Variants in DLC1 observed in about 807,000 individuals in gnomAD.
DLC1 encodes the protein DLC1 Rho GTPase activating protein.
Under a neutral mutation model 140.3 loss-of-function variants are expected in DLC1, and 54 were observed. The observed-to-expected ratio is 0.38, with a 90% confidence interval of 0.31 to 0.48. DLC1 has a LOEUF of 0.48. DLC1 is among the 20% of genes least tolerant of loss of function. The probability of loss-of-function intolerance (pLI) is 0.96; values close to 1 mark genes in which losing one functional copy is unlikely to be tolerated. For missense variants in DLC1, 2,536 were observed against 1,907.0 expected (o/e 1.33, Z -6.14); for synonymous variants, 986 against 728.1 (o/e 1.35, Z -5.70).
At chr8:13,576,021 A>G (rs1202583773) in intron 1 of DLC1, among the ~76,000 whole-genome samples, 1 of 152,212 alleles carries the variant, frequency 6.6e-6, no homozygotes, top group Admixed American at 6.5e-5. Flanking sequence ...ACCACTGGCA[A>G]TGGCCTGTAA....
chr8:13,209,813 G>T (rs192786558), intron 5 of DLC1, among the ~76,000 whole-genome samples: 1 of 152,072 alleles, frequency 6.6e-6, no homozygotes, highest in Non-Finnish European at 1.5e-5. Flanking sequence ...GCTTACTGAG[G>T]CCTTCTCAGA....
chr8:13,507,079 T>G (rs1361494894), intron 1 of DLC1, among the ~76,000 whole-genome samples: 1 of 152,174 alleles, frequency 6.6e-6, no homozygotes, highest in African/African-American at 2.4e-5. Flanking sequence ...ATATAGTTCT[T>G]CAACTCATGT....
At chr8:13,271,161 C>T (rs180908914) in intron 5 of DLC1, among the ~76,000 whole-genome samples, 1 of 152,180 alleles carries the variant, frequency 6.6e-6, no homozygotes, top group Non-Finnish European at 1.5e-5. Context: ...ATTGCAATAT[C>T]TCACGAAGCT....
At chr8:13,300,663 T>C (rs954098607) in intron 5 of DLC1, among the ~76,000 whole-genome samples, 1 of 151,994 alleles carries the variant, frequency 6.6e-6, no homozygotes, top group African/African-American at 2.4e-5. Flanking sequence ...AACACAGACA[T>C]GTATCCGGTC....
chr8:13,402,356 C>A (rs289584), intron 2 of DLC1, among the ~76,000 whole-genome samples: 51,485 of 151,996 alleles, frequency 0.34, 9,455 homozygotes, highest in East Asian at 0.77. Context: ...TTGGGCATGA[C>A]TCAACCATTC....
At chr8:13,462,429 G>T (rs1799712687) in intron 2 of DLC1, among the ~76,000 whole-genome samples, 1 of 148,768 alleles carries the variant, frequency 6.7e-6, no homozygotes, top group Non-Finnish European at 1.5e-5. Flanking sequence ...ACGGAGTCTG[G>T]CTGGCTGGCG....
intron 4 of DLC1, among the ~76,000 whole-genome samples, chr8:13,392,962 C>A (rs1392904837): frequency 6.6e-6 from 1 of 152,066 alleles, no homozygotes; most frequent in Non-Finnish European, 1.5e-5. Context: ...CATTTAATTC[C>A]CACAGAAAAT....
At chr8:13,574,284 T>G (rs980694009) in intron 1 of DLC1, among the ~76,000 whole-genome samples, 8 of 152,322 alleles carry the variant, frequency 5.3e-5, no homozygotes, top group Middle Eastern at 3.4e-3. Flanking sequence ...AATATATTTC[T>G]AGGCAATACA....
chr8:13,335,496 G>A (rs1237905571), intron 4 of DLC1, among the ~76,000 whole-genome samples: 3 of 152,130 alleles, frequency 2.0e-5, no homozygotes, highest in East Asian at 1.9e-4. Flanking sequence ...GTCAAGGCAC[G>A]AGACTTCCTG....
chr8:13,512,063 GCTAT>G (rs959097514), intron 1 of DLC1, among the ~76,000 whole-genome samples: 3 of 151,940 alleles, frequency 2.0e-5, no homozygotes, highest in African/African-American at 7.2e-5. Flanking sequence ...GAAGTGATGT[GCTAT>G]CTTTTACTAG....
intron 5 of DLC1, among the ~76,000 whole-genome samples, chr8:13,146,274 CAA>C (rs35639452): frequency 0.36 from 50,705 of 139,270 alleles, 9,687 homozygotes; most frequent in East Asian, 0.56. Flanking sequence ...GACTCCATCT[CAA>C]AAAAAAAAAA....
Position 13,102,835 on chromosome 8 carries a change from G to C in DLC1, c.1521C>G (p.Asn507Lys), listed in dbSNP as rs1819210608. ...EALCRRLNTL[N>K]KCAVMKLEIS... The stretch of plus-strand genomic sequence containing the variant: ...TTTCTAGCTTCATCACCGCACATTT[G>C]TTTAAAGTATTTAGACGCCTATAGA... The change falls in exon 8 of 18, where the codon AAC becomes AAG. Residue 507 changes from asparagine (N) to lysine (K), a missense_variant. By Grantham distance (94) the Asn-to-Lys change is moderately conservative (BLOSUM62 0). Transcript: ENST00000276297. 1.9e-6 allele frequency: 3 copies of C among 1,613,972 alleles called. No homozygotes were observed. Among genetic ancestry groups the C allele is most frequent in the Non-Finnish European group, 2.5e-6 (3 of 1,179,948 alleles).
chr8:13,495,071 C>T (rs1801441192), intron 2 of DLC1, among the ~76,000 whole-genome samples: 1 of 152,124 alleles, frequency 6.6e-6, no homozygotes, highest in African/African-American at 2.4e-5. Context: ...TCTTAAAGTT[C>T]AGATTATCTT....
chr8:13,151,939 T>C (rs1412010949), intron 5 of DLC1, among the ~76,000 whole-genome samples: 3 of 152,234 alleles, frequency 2.0e-5, no homozygotes, highest in Non-Finnish European at 4.4e-5. Context: ...ATTCAGACCC[T>C]GTTCCTGCAG....
intron 5 of DLC1, among the ~76,000 whole-genome samples, chr8:13,203,900 T>G (rs1476126305): frequency 6.6e-6 from 1 of 152,152 alleles, no homozygotes; most frequent in Non-Finnish European, 1.5e-5. Flanking sequence ...TCATTTATGG[T>G]TTTTGCTGAC....
chr8:13,199,374 A>C (rs996718998), intron 5 of DLC1, among the ~76,000 whole-genome samples: 1 of 151,672 alleles, frequency 6.6e-6, no homozygotes, highest in Non-Finnish European at 1.5e-5. Context: ...TTGTAGATGG[A>C]GATCTTGCCA....
intron 5 of DLC1, among the ~76,000 whole-genome samples, chr8:13,188,948 C>T (rs1258861544): frequency 6.7e-6 from 1 of 148,430 alleles, no homozygotes; most frequent in African/African-American, 2.5e-5. Flanking sequence ...CTCGGCCTCC[C>T]AAAGTGCTGG....
At chr8:13,276,690 C>G (rs1009860068) in intron 5 of DLC1, 24 of 898,898 alleles carry the variant, frequency 2.7e-5, no homozygotes, top group Admixed American at 1.1e-4. Flanking sequence ...AACCCAATGA[C>G]TCACCTGGGT....
Position 13,547,677 on chromosome 8 carries a change from T to C in DLC1, c.-125-47481A>G, listed in dbSNP as rs148198937. On this transcript the variant is annotated intron_variant, in intron 1 of 1. Transcript: ENST00000631382. ...GTCAAGGTTAGAAAATACAACATCA[T>C]TTTATCTAGCTATTTGTTAGCTCGA... Among the ~76,000 whole-genome samples the C allele has an allele frequency of 1.7e-3, 266 of 152,184 alleles. 3 individuals carry two copies. Among genetic ancestry groups the C allele is most frequent in the African/African-American group, 6.0e-3 (249 of 41,556 alleles).
Sources: gnomAD v4.1 joint callset for allele counts (sites outside exome capture counted in the v4.1 genomes callset) on GRCh38, gnomAD v4.1.1 for gene constraint, MANE v1.5 for transcripts, NCBI Gene and HGNC (gene_info 2026-07-23, HGNC 2026-07-21) for gene names.